Variants in ANKRD11 observed in about 807,000 individuals in gnomAD.
The protein encoded by ANKRD11 is ankyrin repeat domain 11, also known as ankyrin repeat domain-containing protein 11.
ANKRD11 carries 17 observed loss-of-function variants against 195.7 expected under a neutral mutation model. The observed-to-expected ratio is 0.09, with a 90% CI of 0.06 to 0.13. ANKRD11 has a LOEUF of 0.13. Among genes scored for constraint, ANKRD11 ranks in the 10% least tolerant of loss-of-function variants. The probability of loss-of-function intolerance (pLI) is 1.00; values close to 1 mark genes in which losing one functional copy is unlikely to be tolerated. For synonymous variants in ANKRD11, 1,953 were observed against 1,528.1 expected (o/e 1.28, Z -6.49); for missense variants, 3,735 against 3,566.1 (o/e 1.05, Z -1.21).
chr16:89,489,380 C>T, intron 1 of ANKRD11, among the ~76,000 whole-genome samples: 1 of 151,648 alleles, frequency 6.6e-6, no homozygotes, highest in Non-Finnish European at 1.5e-5. Flanking sequence ...CCACCGCCAC[C>T]GCTTTCCTCC....
chr16:89,463,034 A>G lies in ANKRD11; in HGVS notation c.-145+27211T>C, dbSNP rs1352071416. 4.7e-4 allele frequency among the ~76,000 whole-genome samples: 65 copies of G among 137,670 alleles called. 2 individuals carry two copies. The highest frequency in any genetic ancestry group is 2.5e-3 in the South Asian group (10 of 3,984). 90.3% of individuals were successfully genotyped at this position (137,670 alleles called of 152,430 possible). A position where few individuals can be genotyped will look rare whatever the true frequency, so the allele number is the denominator to read the frequency against. On this transcript the variant is annotated intron_variant, in intron 1 of 12. Transcript: ENST00000301030. ...AGCCCCCCGCCAGGCCAGCCGCCCCATCCGGGAGGGAGGTGGGGGGGTCAG... is the reference window on the plus strand; with the variant it reads ...AGCCCCCCGCCAGGCCAGCCGCCCCGTCCGGGAGGGAGGTGGGGGGGTCAG...
At chr16:89,290,940 C>A in intron 5 of ANKRD11, 73 bp downstream of exon 5, 2 of 1,610,148 alleles carry the variant, frequency 1.2e-6, no homozygotes, top group East Asian at 4.5e-5. Context: ...GGCTTGTCCT[C>A]AGCACAGCCA....
At chr16:89,375,412 C>A (rs969060763) in intron 2 of ANKRD11, among the ~76,000 whole-genome samples, 5 of 151,978 alleles carry the variant, frequency 3.3e-5, no homozygotes, top group Admixed American at 6.5e-5. Context: ...TATGGTCATG[C>A]CTGTGACAAG....
chr16:89,375,853 C>T (rs141320672), intron 2 of ANKRD11, among the ~76,000 whole-genome samples: 1 of 151,800 alleles, frequency 6.6e-6, no homozygotes, highest in Admixed American at 6.6e-5. Context: ...CTAAATGACA[C>T]CACAGACCCA....
chr16:89,296,398 G>T (rs958702895), intron 4 of ANKRD11, among the ~76,000 whole-genome samples: 1 of 152,088 alleles, frequency 6.6e-6, no homozygotes, highest in East Asian at 1.9e-4. Context: ...CTTCCTGCAG[G>T]CTTCCTGTCT....
At chr16:89,332,230 T>A (rs934412121) in intron 2 of ANKRD11, among the ~76,000 whole-genome samples, 6 of 152,106 alleles carry the variant, frequency 3.9e-5, no homozygotes, top group African/African-American at 1.4e-4. Flanking sequence ...CAATAAAGGA[T>A]CATTTTACAA....
intron 1 of ANKRD11, among the ~76,000 whole-genome samples, chr16:89,437,041 G>C (rs2043243841): frequency 6.6e-6 from 1 of 152,158 alleles, no homozygotes; most frequent in African/African-American, 2.4e-5. Context: ...ATCCTAAAAA[G>C]TGACATACGA....
At chr16:89,346,994 C>A (rs79766202) in intron 2 of ANKRD11, among the ~76,000 whole-genome samples, 12 of 152,282 alleles carry the variant, frequency 7.9e-5, no homozygotes, top group East Asian at 7.7e-4. Context: ...GAACTGTCTG[C>A]GAAGCAAATG....
intron 1 of ANKRD11, among the ~76,000 whole-genome samples, chr16:89,445,549 C>T (rs1286917665): frequency 6.6e-6 from 1 of 152,150 alleles, no homozygotes; most frequent in Non-Finnish European, 1.5e-5. Context: ...GCTCAGGCTA[C>T]TCTGAAGCAG....
At chr16:89,290,192 A>T (rs1448695010) in intron 6 of ANKRD11, among the ~76,000 whole-genome samples, 2 of 152,172 alleles carry the variant, frequency 1.3e-5, no homozygotes, top group Admixed American at 6.5e-5. Flanking sequence ...GCCACAGCCC[A>T]TCCAACCCGA....
In ANKRD11 at chr16:89,432,985, TCTCTCCTCTCTCTCACACA is replaced by T. The variant is rs1567798661; in HGVS notation, c.-144-14636_-144-14618del. 3.8e-5 allele frequency among the ~76,000 whole-genome samples: 5 copies of T among 131,734 alleles called. No individual in the cohort carries two copies. The East Asian group carries it at 6.3e-4, about 17-fold the overall frequency. The allele number at this position is 131,734 out of a possible 152,430, so 86.4% of individuals were successfully genotyped here. A position where few individuals can be genotyped will look rare whatever the true frequency, so the allele number is the denominator to read the frequency against. On this transcript the variant is annotated intron_variant, in intron 1 of 12. Coordinates refer to ENST00000301030, the MANE Select transcript of ANKRD11 (RefSeq NM_013275.6). ...CTCTCTCTCTCTCTCTCTCTCTCTCTCTCTCCTCTCTCTCACACACACACACACACACACGAAATATATG... is the reference window on the plus strand; with the variant it reads ...CTCTCTCTCTCTCTCTCTCTCTCTCTCACACACACACACACGAAATATATG...
chr16:89,479,696 G>A (rs1053854333), intron 1 of ANKRD11, among the ~76,000 whole-genome samples: 4 of 151,494 alleles, frequency 2.6e-5, no homozygotes, highest in Non-Finnish European at 5.9e-5. Context: ...TGTAATCCCA[G>A]CACTTTGGGA....
At chr16:89,481,909 T>C (rs1597550647) in intron 1 of ANKRD11, among the ~76,000 whole-genome samples, 3 of 151,188 alleles carry the variant, frequency 2.0e-5, no homozygotes, top group East Asian at 1.9e-4. Context: ...AACAGAAACA[T>C]AGCTTACAGT....
intron 1 of ANKRD11, among the ~76,000 whole-genome samples, chr16:89,470,335 C>T (rs538950950): frequency 1.1e-4 from 17 of 152,178 alleles, no homozygotes; most frequent in African/African-American, 3.9e-4. Context: ...GTAGAAAAAG[C>T]GCTGAAATGG....
intron 2 of ANKRD11, among the ~76,000 whole-genome samples, chr16:89,355,469 G>T (rs764005677): frequency 1.3e-5 from 2 of 152,158 alleles, no homozygotes; most frequent in Non-Finnish European, 2.9e-5. Context: ...AGGCTGACAA[G>T]AATTCAAAGC....
rs530972277 is a variant in ANKRD11 at position 89,418,779 on chromosome 16, T to C, written c.-144-411A>G. 1.4e-3 allele frequency among the ~76,000 whole-genome samples: 216 copies of C among 152,156 alleles called. 2 individuals carry two copies. Among genetic ancestry groups the C allele is most frequent in the African/African-American group, 4.9e-3 (202 of 41,530 alleles). On this transcript the variant is annotated intron_variant, in intron 1 of 12. Transcript: ENST00000301030. Reference sequence around the variant, plus strand: ...TTTTTAAAAGGCCTTTTTTTTTTTTTTGGAGACAGAGTTTCACTCTTGTCC... The same window carrying C: ...TTTTTAAAAGGCCTTTTTTTTTTTTCTGGAGACAGAGTTTCACTCTTGTCC...
chr16:89,293,822 T>C (rs548676343), intron 4 of ANKRD11, among the ~76,000 whole-genome samples: 4 of 152,174 alleles, frequency 2.6e-5, no homozygotes, highest in East Asian at 3.9e-4. Flanking sequence ...GGCGTTGCCA[T>C]GCTCTTAAGT....
At chr16:89,356,796 G>A (rs12924664) in intron 2 of ANKRD11, among the ~76,000 whole-genome samples, 29 of 132,484 alleles carry the variant, frequency 2.2e-4, no homozygotes, top group South Asian at 4.7e-4. Context: ...AAAAAAAAAA[G>A]AAAAAAGAAA....
At chr16:89,289,918 C>T (rs567086403) in intron 6 of ANKRD11, among the ~76,000 whole-genome samples, 2 of 152,162 alleles carry the variant, frequency 1.3e-5, no homozygotes, top group Admixed American at 6.5e-5. Flanking sequence ...CGTGCGCCTG[C>T]ACCCGGAAGG....
Sources: gnomAD v4.1 joint callset for allele counts (sites outside exome capture counted in the v4.1 genomes callset) on GRCh38, gnomAD v4.1.1 for gene constraint, MANE v1.5 for transcripts, NCBI Gene and HGNC (gene_info 2026-07-23, HGNC 2026-07-21) for gene names.